CACNA1I: variants seen among roughly 807,000 people sequenced by gnomAD.
The protein encoded by CACNA1I is voltage-dependent T-type calcium channel subunit alpha-1I.
A neutral mutation model predicts 201.6 loss-of-function variants in CACNA1I; 74 were observed. The observed-to-expected ratio is 0.37, with a 90% CI of 0.30 to 0.45. CACNA1I has a LOEUF of 0.45. Among genes scored for constraint, CACNA1I ranks in the 20% least tolerant of loss-of-function variants. CACNA1I has a pLI of 1.00. For synonymous variants in CACNA1I, 1,431 were observed against 1,345.2 expected (o/e 1.06, Z -1.40); for missense variants, 2,346 against 3,138.1 (o/e 0.75, Z 6.03).
Position 39,619,508 on chromosome 22 carries a change from G to A in CACNA1I, c.580+101G>A, listed in dbSNP as rs1394546697. The stretch of plus-strand genomic sequence containing the variant: ...AATGCCCACCCCCCCACCCTGCTTC[G>A]TTCACTTGGAGAAGACTGATTAGGG... On this transcript the variant is annotated intron_variant, in intron 4 of 36. Coordinates refer to ENST00000402142, the MANE Select transcript of CACNA1I (RefSeq NM_021096.4). The A allele has an allele frequency of 4.3e-5, 34 of 792,990 alleles. No individual in the cohort carries two copies. The African/African-American group carries it at 5.2e-4, about 12-fold the overall frequency. 49.1% of individuals were successfully genotyped at this position (792,990 alleles called of 1,614,324 possible). A position where few individuals can be genotyped will look rare whatever the true frequency, so the allele number is the denominator to read the frequency against.
intron 11 of CACNA1I, among the ~76,000 whole-genome samples, 159 bp from the exon 12 acceptor site, chr22:39,658,772 T>G (rs1165788189): frequency 6.6e-6 from 1 of 152,242 alleles, no homozygotes; most frequent in Non-Finnish European, 1.5e-5. Context: ...AGCCCCTGAT[T>G]AGCTTGTGGC....
At chr22:39,573,671 C>T (rs932306871) in intron 1 of CACNA1I, among the ~76,000 whole-genome samples, 4 of 152,314 alleles carry the variant, frequency 2.6e-5, no homozygotes, top group Admixed American at 6.5e-5. Context: ...CCCCTGGGAA[C>T]CCACCCAGTT....
rs572392902 is a variant in CACNA1I at position 39,676,346 on chromosome 22, C to T, written c.4855-995C>T. ...TTAGTCAGACACTAGCAGTGTAGAA[C>T]GGCTGGCCAGGAAACCCTGCTCTGG... On this transcript the variant is annotated intron_variant, in intron 29 of 36. Coordinates refer to ENST00000402142, the MANE Select transcript of CACNA1I (RefSeq NM_021096.4). The surrounding 1 kb of genome is among the most constrained non-coding windows in gnomAD (Gnocchi z 4.8). 1.0e-3 allele frequency among the ~76,000 whole-genome samples: 156 copies of T among 152,172 alleles called. 1 individual carries two copies. The highest frequency in any genetic ancestry group is 3.5e-3 in the African/African-American group (146 of 41,480).
rs1932934019 is a variant in CACNA1I at position 39,598,221 on chromosome 22, G to A, written c.307G>A (p.Asp103Asn). ...CVTLGMYQPC[D>N]DMDCLSDRCK... Reference sequence around the variant, plus strand: ...GACACTTGGCATGTACCAGCCGTGCGACGACATGGACTGCCTGTCCGACCG... The same window carrying A: ...GACACTTGGCATGTACCAGCCGTGCAACGACATGGACTGCCTGTCCGACCG... Residue 103 changes from aspartate (D) to asparagine (N), a missense_variant, in exon 2 of 37, where the codon GAC becomes AAC. By Grantham distance (23) the Asp-to-Asn change is conservative. This residue lies in a region of CACNA1I where 130 missense variants were observed against 160.7 expected (regional missense o/e 0.81). Transcript: ENST00000402142. The A allele has an allele frequency of 1.2e-6, 2 of 1,607,712 alleles. No homozygotes were observed. Among genetic ancestry groups the A allele is most frequent in the Non-Finnish European group, 1.7e-6 (2 of 1,177,584 alleles).
chr22:39,659,078 C>A lies in CACNA1I; in HGVS notation c.2292C>A (p.Thr764=), dbSNP rs1028152298. The A allele has an allele frequency of 1.2e-6, 2 of 1,613,388 alleles. No homozygotes were observed. Among genetic ancestry groups the A allele is most frequent in the Non-Finnish European group, 1.7e-6 (2 of 1,179,768 alleles). The change falls in exon 12 of 37, where the codon ACC becomes ACA. Residue 764 remains threonine (T), a synonymous_variant. Coordinates refer to ENST00000402142, the MANE Select transcript of CACNA1I (RefSeq NM_021096.4). The surrounding 1 kb of genome is among the most constrained non-coding windows in gnomAD (Gnocchi z 4.3). ...TGAAGACCATGGACAACGTGGCCAC[C>A]TTCTGCATGCTGCTCATGCTCTTCA... is the stretch of plus-strand genomic sequence containing the variant. The part of the protein sequence containing the change: ...VLMKTMDNVA[T]FCMLLMLFIF...
Position 39,679,261 on chromosome 22 carries a change from A to G in CACNA1I, c.5210A>G (p.Asn1737Ser). The change falls in exon 32 of 37, where the codon AAC (asparagine) becomes AGC (serine). Residue 1737 changes from asparagine (N) to serine (S), a missense_variant. By Grantham distance (46) the Asn-to-Ser change is conservative. Transcript: ENST00000402142. The part of the protein sequence containing the change: ...AVLMKHLDDS[N>S]KEAQEDAEMD... ...CTCATGAAGCACCTGGACGACAGCA[A>G]CAAGGAGGCGCAGGAGGACGCCGAG... is the stretch of plus-strand genomic sequence containing the variant. 2 of 1,588,090 alleles carry G rather than the reference A, an allele frequency of 1.3e-6. No homozygotes were observed. Among genetic ancestry groups the G allele is most frequent in the Non-Finnish European group, 1.7e-6 (2 of 1,168,084 alleles).
intron 2 of CACNA1I, 109 bp downstream of exon 2, chr22:39,598,371 C>T: frequency 1.1e-5 from 7 of 638,438 alleles, no homozygotes; most frequent in Non-Finnish European, 2.0e-5. Flanking sequence ...GCCCCGCCCA[C>T]TCCATGCCCC....
At position 39,661,208 on chromosome 22, in the gene CACNA1I, C is replaced by T. The variant is rs367962264; in HGVS notation, c.2799C>T (p.Ala933=). The T allele has an allele frequency of 3.7e-6, 6 of 1,612,278 alleles. No individual in the cohort carries two copies. The highest frequency in any genetic ancestry group is 5.1e-6 in the Non-Finnish European group (6 of 1,179,354). The change falls in exon 16 of 37, where the codon GCC becomes GCT. Residue 933 remains alanine, a synonymous_variant. Coordinates refer to ENST00000402142, the MANE Select transcript of CACNA1I (RefSeq NM_021096.4). ...HLGPAGAAGP[A]PRLSLQPDPM... ...GTCCTGCTGGGGCTGCGGGACCTGCCCCCCGACTCTCACTGCAGCCGGACC... is the reference window on the plus strand; with the variant it reads ...GTCCTGCTGGGGCTGCGGGACCTGCTCCCCGACTCTCACTGCAGCCGGACC...
chr22:39,656,412 G>A, intron 10 of CACNA1I: 1 of 518,950 alleles, frequency 1.9e-6, no homozygotes, highest in South Asian at 1.4e-5. Flanking sequence ...TTAGGTCTCT[G>A]CTGAGATGTC....
chr22:39,571,405 G>A (rs1353944802), intron 1 of CACNA1I, among the ~76,000 whole-genome samples: 1 of 138,046 alleles, frequency 7.2e-6, no homozygotes, highest in African/African-American at 2.4e-5. Flanking sequence ...CCAACACACA[G>A]GGCAGGACTC....
rs926334 is a variant in CACNA1I, at chr22:39,649,205, G to A, written c.1568-296G>A. Among the ~76,000 whole-genome samples, 1 of 152,054 alleles carries A rather than the reference G, an allele frequency of 6.6e-6. No homozygotes were observed. The highest frequency in any genetic ancestry group is 1.5e-5 in the Non-Finnish European group (1 of 67,964). ...AGGGCCTAGGCCAGGAGGGATGGCC[G>A]GTCAGCACGGATGCGCGCCCTGCAC... On this transcript the variant is annotated intron_variant, in intron 9 of 36. Coordinates refer to ENST00000402142, the MANE Select transcript of CACNA1I (RefSeq NM_021096.4). This position sits in a 1 kb window ranked among gnomAD's most constrained non-coding sequence, Gnocchi z 7.3.
chr22:39,610,135 G>A (rs1490264216), intron 3 of CACNA1I, among the ~76,000 whole-genome samples: 2 of 152,188 alleles, frequency 1.3e-5, no homozygotes, highest in Non-Finnish European at 1.5e-5. Context: ...GACCCTTCTG[G>A]TTTTGTCATT....
chr22:39,641,515 A>G (rs1812671819), intron 6 of CACNA1I, among the ~76,000 whole-genome samples: 1 of 152,054 alleles, frequency 6.6e-6, no homozygotes, highest in African/African-American at 2.4e-5. Flanking sequence ...TTCAGAGAGG[A>G]GAGGCAGGAT....
chr22:39,672,554 A>G lies in CACNA1I; in HGVS notation c.4649+246A>G, dbSNP rs536609281. On this transcript the variant is annotated intron_variant, in intron 27 of 36. Coordinates refer to ENST00000402142, the MANE Select transcript of CACNA1I (RefSeq NM_021096.4). ...ATCTTTGGTACGTTGTCTCTACCCTATGGGCAGAGCAGGGTCTGCCTCATG... is the reference window on the plus strand; with the variant it reads ...ATCTTTGGTACGTTGTCTCTACCCTGTGGGCAGAGCAGGGTCTGCCTCATG... Among the ~76,000 whole-genome samples the G allele has an allele frequency of 2.0e-5, 3 of 152,248 alleles. No homozygotes were observed. The South Asian group carries it at 6.2e-4, about 32-fold the overall frequency.
At chr22:39,601,444 G>C (rs1933026634) in intron 3 of CACNA1I, among the ~76,000 whole-genome samples, 1 of 152,234 alleles carries the variant, frequency 6.6e-6, no homozygotes, top group Admixed American at 6.5e-5. Context: ...GGGGACTTGG[G>C]GGCTTGAGGG....
At chr22:39,668,792 G>A (rs1306877790) in intron 24 of CACNA1I, among the ~76,000 whole-genome samples, 2 of 152,174 alleles carry the variant, frequency 1.3e-5, no homozygotes, top group African/African-American at 4.8e-5. Flanking sequence ...GAGGCATGAG[G>A]TGGGGAGAGG....
At chr22:39,601,928 T>C (rs1438518512) in intron 3 of CACNA1I, among the ~76,000 whole-genome samples, 6 of 43,918 alleles carry the variant, frequency 1.4e-4, no homozygotes, top group African/African-American at 6.5e-4. Flanking sequence ...CTTCCTTCCT[T>C]CCTGCCTTCC....
intron 28 of CACNA1I, 37 bp downstream of exon 28, chr22:39,673,119 G>GC (rs780774284): frequency 4.4e-6 from 7 of 1,588,420 alleles, no homozygotes; most frequent in Non-Finnish European, 6.0e-6. Context: ...ACGGGGACAA[G>GC]CAGGGGCGGG....
At chr22:39,652,671 G>A (rs1934684835) in intron 10 of CACNA1I, among the ~76,000 whole-genome samples, 1 of 152,230 alleles carries the variant, frequency 6.6e-6, no homozygotes, top group South Asian at 2.1e-4. Flanking sequence ...TTGGGAGGCT[G>A]TGGCGAGAGG....
Sources: gnomAD v4.1 joint callset for allele counts (sites outside exome capture counted in the v4.1 genomes callset) on GRCh38, gnomAD v4.1.1 for gene constraint, gnomAD v4.1.1 regional missense constraint, Gnocchi (gnomAD v3.1) non-coding constraint, MANE v1.5 for transcripts, NCBI Gene and HGNC (gene_info 2026-07-23, HGNC 2026-07-21) for gene names.